The following DCDC1 variants were observed in gnomAD, a reference collection of about 807,000 sequenced individuals.
DCDC1 encodes the protein doublecortin domain containing 1, also known as doublecortin domain-containing protein 1.
Under a neutral mutation model 178.3 loss-of-function variants are expected in DCDC1, and 200 were observed. That is an observed-to-expected ratio of 1.12 (90% CI 1.00 to 1.26). The LOEUF is 1.26. Ranked by LOEUF, DCDC1 falls within the 50% of genes most tolerant of loss-of-function variation. DCDC1 has a pLI of 0.00. For synonymous variants in DCDC1, 690 were observed against 604.8 expected (o/e 1.14, Z -2.07); for missense variants, 1,983 against 1,749.2 (o/e 1.13, Z -2.38).
At chr11:31,357,586 A>C (rs1298685757) in intron 1 of DCDC1, among the ~76,000 whole-genome samples, 1 of 152,188 alleles carries the variant, frequency 6.6e-6, no homozygotes, top group Non-Finnish European at 1.5e-5. Context: ...AGTTCTGGCC[A>C]GGGCAATTAC....
rs117758165 is a variant in DCDC1, at chr11:31,012,709, C to T, written c.2591+51760G>A. On this transcript the variant is annotated intron_variant, in intron 20 of 38. Coordinates refer to ENST00000684477, the MANE Select transcript of DCDC1 (RefSeq NM_001387274.1). ...CTGTATTCATAAAATAAATGATATC[C>T]AGGAATTAAACTGAATTAGAGATCA... 7.2e-3 allele frequency among the ~76,000 whole-genome samples: 1,088 copies of T among 151,416 alleles called. 9 individuals carry two copies. Among genetic ancestry groups the T allele is most frequent in the Non-Finnish European group, 0.012 (838 of 67,882 alleles).
intron 17 of DCDC1, among the ~76,000 whole-genome samples, chr11:31,085,280 A>T (rs944751895): frequency 3.3e-5 from 5 of 151,954 alleles, no homozygotes; most frequent in Non-Finnish European, 5.9e-5. Context: ...ATATATATAC[A>T]TCTGTGCAAG....
At chr11:30,909,403 A>T (rs1945291334) in intron 28 of DCDC1, among the ~76,000 whole-genome samples, 1 of 152,154 alleles carries the variant, frequency 6.6e-6, no homozygotes. Context: ...ATCTTTTAAA[A>T]ATATATACCA....
At chr11:31,162,415 A>C (rs922671347) in intron 9 of DCDC1, among the ~76,000 whole-genome samples, 11 of 152,268 alleles carry the variant, frequency 7.2e-5, no homozygotes, top group African/African-American at 2.6e-4. Context: ...AACTAAAGCT[A>C]AGAAGACAGC....
intron 9 of DCDC1, among the ~76,000 whole-genome samples, chr11:31,209,263 C>T (rs1972218165): frequency 6.6e-6 from 1 of 152,140 alleles, no homozygotes; most frequent in African/African-American, 2.4e-5. Context: ...GTGTCCTGGA[C>T]TTAAATAAGT....
At position 30,967,706 on chromosome 11, in the gene DCDC1, T is replaced by C. The variant is rs1441005308; in HGVS notation, c.2592-15138A>G. On this transcript the variant is annotated intron_variant, in intron 20 of 38. Coordinates refer to ENST00000684477, the MANE Select transcript of DCDC1 (RefSeq NM_001387274.1). ...AGATTAGAACTTATAAGGAAGTGAG[T>C]GATAGCTTTTCAAAAGTATCTCCAA... is the stretch of plus-strand genomic sequence containing the variant. Among the ~76,000 whole-genome samples the C allele has an allele frequency of 2.6e-5, 4 of 152,244 alleles. No individual in the cohort carries two copies. The East Asian group carries it at 5.8e-4, about 22-fold the overall frequency.
At chr11:31,189,250 AT>A (rs1194292967) in intron 9 of DCDC1, among the ~76,000 whole-genome samples, 1 of 152,182 alleles carries the variant, frequency 6.6e-6, no homozygotes, top group East Asian at 1.9e-4. Context: ...TGAGAATGCT[AT>A]TACATCACTC....
At position 30,865,197 on chromosome 11, in the gene DCDC1, C is replaced by T. The variant is rs1038861526; in HGVS notation, c.*176G>A. The T allele has an allele frequency of 5.9e-5, 9 of 151,980 alleles. No individual in the cohort carries two copies. The highest frequency in any genetic ancestry group is 1.3e-4 in the Admixed American group (2 of 15,248). 9.4% of individuals were successfully genotyped at this position (151,980 alleles called of 1,614,324 possible). ...GCAGATTTTTGAAGGATAAATTTTACGACTAATTTTTTTTAATAAACTATG... is the reference window on the plus strand; with the variant it reads ...GCAGATTTTTGAAGGATAAATTTTATGACTAATTTTTTTTAATAAACTATG... On this transcript the variant is annotated 3_prime_UTR_variant, in exon 39 of 39. Coordinates refer to ENST00000684477, the MANE Select transcript of DCDC1 (RefSeq NM_001387274.1).
At chr11:31,305,858 G>A in intron 5 of DCDC1, 81 bp from the exon 6 acceptor site, 1 of 1,469,398 alleles carries the variant, frequency 6.8e-7, no homozygotes. Flanking sequence ...AGGTTCTAAT[G>A]ATCAAAATAG....
intron 9 of DCDC1, among the ~76,000 whole-genome samples, chr11:31,219,326 T>C (rs1164999214): frequency 1.3e-5 from 2 of 151,966 alleles, no homozygotes; most frequent in African/African-American, 4.8e-5. Flanking sequence ...ATTAAGAAAA[T>C]AAGACTCACT....
intron 36 of DCDC1, among the ~76,000 whole-genome samples, chr11:30,887,210 G>T (rs1943253191): frequency 6.6e-6 from 1 of 152,062 alleles, no homozygotes. Flanking sequence ...AGAACGACTT[G>T]TATTCATGTT....
chr11:30,945,510 A>G (rs1947961225), intron 21 of DCDC1, among the ~76,000 whole-genome samples: 1 of 151,860 alleles, frequency 6.6e-6, no homozygotes, highest in South Asian at 2.1e-4. Context: ...TCTGACCAAC[A>G]TGGTGAAACC....
intron 9 of DCDC1, among the ~76,000 whole-genome samples, chr11:31,213,863 A>G (rs1973180352): frequency 7.4e-6 from 1 of 135,584 alleles, no homozygotes; most frequent in East Asian, 3.1e-4. Context: ...TATCACTCAT[A>G]TTAGAGAAAA....
At chr11:31,313,009 T>A (rs1948859682) in intron 3 of DCDC1, among the ~76,000 whole-genome samples, 1 of 151,810 alleles carries the variant, frequency 6.6e-6, no homozygotes, top group African/African-American at 2.4e-5. Context: ...TTACAAAAAA[T>A]TTTAAAGTCA....
At chr11:30,997,811 A>G (rs988482780) in intron 20 of DCDC1, among the ~76,000 whole-genome samples, 1 of 148,944 alleles carries the variant, frequency 6.7e-6, no homozygotes, top group Non-Finnish European at 1.5e-5. Flanking sequence ...CATAGTGTGT[A>G]TGTGTGTGTG....
At chr11:31,363,446 A>T (rs993998191) in intron 1 of DCDC1, among the ~76,000 whole-genome samples, 1 of 152,224 alleles carries the variant, frequency 6.6e-6, no homozygotes, top group Non-Finnish European at 1.5e-5. Context: ...TGATGAATTA[A>T]GTCATGAATT....
intron 20 of DCDC1, among the ~76,000 whole-genome samples, chr11:31,028,698 A>G (rs1182418398): frequency 1.3e-5 from 2 of 152,034 alleles, no homozygotes; most frequent in African/African-American, 4.8e-5. Flanking sequence ...ATAAACATAC[A>G]AGATTGTGTT....
intron 14 of DCDC1, 43 bp from the exon 15 acceptor site, chr11:31,102,325 T>C (rs1377428367): frequency 1.6e-5 from 10 of 625,992 alleles, no homozygotes; most frequent in Non-Finnish European, 3.0e-5. Context: ...TAGAATAATA[T>C]GCATTTAATT....
At chr11:31,346,395 C>T (rs1455376338) in intron 1 of DCDC1, among the ~76,000 whole-genome samples, 1 of 138,008 alleles carries the variant, frequency 7.2e-6, no homozygotes, top group Non-Finnish European at 1.5e-5. Flanking sequence ...ACCCGGGAGG[C>T]GGAGATTGCG....
Sources: allele counts gnomAD v4.1 joint callset (sites outside exome capture counted in the v4.1 genomes callset), GRCh38; gene constraint gnomAD v4.1.1; transcripts MANE v1.5; gene names NCBI Gene and HGNC (gene_info 2026-07-23, HGNC 2026-07-21).